RBFOX2: variants seen among roughly 807,000 people sequenced by gnomAD.
The protein encoded by RBFOX2 is RNA binding protein fox-1 homolog 2.
In RBFOX2, 10 loss-of-function variants were observed where a neutral mutation model predicts 49.1. The ratio of observed to expected loss-of-function variants is 0.20; its 90% CI spans 0.13 to 0.35. The LOEUF is 0.35. Among genes scored for constraint, RBFOX2 ranks in the 10% least tolerant of loss-of-function variants. The pLI, the probability that RBFOX2 is intolerant of heterozygous loss-of-function variation, is 1.00. For synonymous variants in RBFOX2, 183 were observed against 187.4 expected, an observed-to-expected ratio of 0.98 and a Z score of 0.19; for missense variants, 323 against 486.9, an observed-to-expected ratio of 0.66 and a Z score of 3.17.
At position 35,761,542 on chromosome 22, in the gene RBFOX2, G is replaced by A. The variant is rs1938874499; in HGVS notation, c.608-74C>T. 7 of 1,525,034 alleles carry A rather than the reference G, an allele frequency of 4.6e-6. No individual in the cohort carries two copies. In the Middle Eastern group the frequency reaches 5.9e-4, roughly 129 times the overall value. The allele number at this position is 1,525,034 out of a possible 1,614,324, so 94.5% of individuals were successfully genotyped here. ...GGGATGATCAGTGCATGTCAAGTTGGCTTCAGCCATCTCTGGGGCTATTTT... is the reference window on the plus strand; with the variant it reads ...GGGATGATCAGTGCATGTCAAGTTGACTTCAGCCATCTCTGGGGCTATTTT... On this transcript the variant is annotated intron_variant, in intron 6 of 11. Transcript: ENST00000405409.
At chr22:35,855,726 A>G (rs541951055) in intron 1 of RBFOX2, among the ~76,000 whole-genome samples, 55 of 152,082 alleles carry the variant, frequency 3.6e-4, no homozygotes, top group African/African-American at 1.2e-3. Context: ...ATTTTTCAAC[A>G]TAAGTTTTAA....
At chr22:36,007,885 CTTTT>C (rs542970377) in intron 1 of RBFOX2, among the ~76,000 whole-genome samples, 2 of 151,414 alleles carry the variant, frequency 1.3e-5, no homozygotes, top group African/African-American at 4.9e-5. Flanking sequence ...ATGAATGTAC[CTTTT>C]TTTTTCTCAT....
intron 1 of RBFOX2, among the ~76,000 whole-genome samples, chr22:35,953,027 C>T (rs1009657860): frequency 2.6e-5 from 4 of 151,504 alleles, no homozygotes; most frequent in African/African-American, 4.9e-5. Flanking sequence ...CTGGCTAACA[C>T]GGTGAAATCC....
At chr22:35,935,871 A>G (rs1262488867) in intron 1 of RBFOX2, among the ~76,000 whole-genome samples, 1 of 152,180 alleles carries the variant, frequency 6.6e-6, no homozygotes, top group East Asian at 1.9e-4. Flanking sequence ...ATCTTTCCAG[A>G]GGGAATATTT....
At chr22:35,930,604 C>A (rs920525732) in intron 1 of RBFOX2, among the ~76,000 whole-genome samples, 4 of 151,606 alleles carry the variant, frequency 2.6e-5, no homozygotes, top group African/African-American at 9.7e-5. Context: ...CTGAAGCAGG[C>A]GGATCACTTG....
At chr22:35,965,917 C>T (rs1453823168), upstream of RBFOX2, among the ~76,000 whole-genome samples, 1 of 152,126 alleles carries the variant, frequency 6.6e-6, no homozygotes, top group African/African-American at 2.4e-5. Context: ...AGGCAAAAAA[C>T]CTAAGTGCAT....
At chr22:36,007,626 A>G (rs1347074719) in intron 1 of RBFOX2, among the ~76,000 whole-genome samples, 1 of 152,228 alleles carries the variant, frequency 6.6e-6, no homozygotes, top group Non-Finnish European at 1.5e-5. Context: ...TTTTTTATAT[A>G]CAATAAAAAT....
At chr22:35,798,266 C>T (rs1409357334) in intron 2 of RBFOX2, among the ~76,000 whole-genome samples, 3 of 152,234 alleles carry the variant, frequency 2.0e-5, no homozygotes, top group Non-Finnish European at 4.4e-5. Context: ...TGAGCCACTG[C>T]ACCAGGCCTG....
intron 1 of RBFOX2, among the ~76,000 whole-genome samples, chr22:35,902,170 T>C (rs912657186): frequency 6.6e-6 from 1 of 152,130 alleles, no homozygotes; most frequent in African/African-American, 2.4e-5. Flanking sequence ...CTTCCCTTAC[T>C]TCTAACTAGC....
intron 1 of RBFOX2, among the ~76,000 whole-genome samples, chr22:36,001,184 TACACACACACACACACAC>T (rs57905429): frequency 1.1e-3 from 146 of 133,684 alleles, no homozygotes; most frequent in Non-Finnish European, 1.4e-3. Context: ...CCCCAAAACA[TACACACACACACACACAC>T]ACACACACAC....
At chr22:35,832,723 T>C (rs1355724641) in intron 1 of RBFOX2, among the ~76,000 whole-genome samples, 2 of 151,982 alleles carry the variant, frequency 1.3e-5, no homozygotes, top group African/African-American at 4.8e-5. Flanking sequence ...TCCTACCTAC[T>C]TGGGAGGCTG....
In RBFOX2 at chr22:35,778,136, G is replaced by A. The variant is rs960944969; in HGVS notation, c.400-58C>T. On this transcript the variant is annotated intron_variant, in intron 3 of 11. Transcript: ENST00000405409. ...GGTCAGGTTTTTATCCACATATTTT[G>A]TTATCTTCTGAAATGGGAATAGTTT... 6 of 1,357,484 alleles carry A rather than the reference G, an allele frequency of 4.4e-6. No individual in the cohort carries two copies. The African/African-American group carries it at 8.8e-5, about 20-fold the overall frequency. 84.1% of individuals were successfully genotyped at this position (1,357,484 alleles called of 1,614,324 possible). A position where few individuals can be genotyped will look rare whatever the true frequency, so the allele number is the denominator to read the frequency against.
At chr22:35,960,823 G>A (rs780310912) in intron 1 of RBFOX2, among the ~76,000 whole-genome samples, 3 of 151,986 alleles carry the variant, frequency 2.0e-5, no homozygotes, top group Non-Finnish European at 2.9e-5. Flanking sequence ...TATTGAAAAC[G>A]TTTTCCTCAT....
In RBFOX2 at chr22:35,773,382, C is replaced by T. The variant is rs145199183; in HGVS notation, c.453+4643G>A. On this transcript the variant is annotated intron_variant, in intron 4 of 11. Transcript: ENST00000405409. ...GATCCCCATTATTCCAGAAATCTAC[C>T]TGAGAGAAGTAATGAGAACACATTA... Among the ~76,000 whole-genome samples, 105 of 152,012 alleles carry T rather than the reference C, an allele frequency of 6.9e-4. No homozygotes were observed. In the East Asian group the frequency reaches 0.014, roughly 20 times the overall value.
At chr22:35,835,304 A>AG (rs199628901) in intron 1 of RBFOX2, among the ~76,000 whole-genome samples, 2,628 of 152,208 alleles carry the variant, frequency 0.017, 68 homozygotes, top group African/African-American at 0.06. Context: ...AGGGTGGGTA[A>AG]GGGGGGGCTG....
chr22:35,939,011 C>A (rs136615), upstream of RBFOX2: 4 of 1,011,798 alleles, frequency 4.0e-6, no homozygotes, highest in African/African-American at 1.6e-5. Context: ...CTAAAATGTT[C>A]CATTAACTGT....
At chr22:35,855,459 T>A (rs2042403375) in intron 1 of RBFOX2, among the ~76,000 whole-genome samples, 1 of 152,012 alleles carries the variant, frequency 6.6e-6, no homozygotes, top group African/African-American at 2.4e-5. Context: ...CAGGTTGGAG[T>A]GCTATGGCAC....
intron 1 of RBFOX2, among the ~76,000 whole-genome samples, chr22:35,945,525 C>T (rs143569196): frequency 6.6e-6 from 1 of 152,226 alleles, no homozygotes; most frequent in Non-Finnish European, 1.5e-5. Context: ...ATTGCAGCCT[C>T]GACCTCGCAG....
At chr22:35,744,241 T>C (rs1176047924) in exon 12 of RBFOX2, 7 of 1,611,666 alleles carry the variant, frequency 4.3e-6, no homozygotes, top group Non-Finnish European at 5.9e-6. Flanking sequence ...CACCTCGGTA[T>C]AAACTCGCCT....
Sources: gnomAD v4.1 joint callset for allele counts (sites outside exome capture counted in the v4.1 genomes callset) on GRCh38, gnomAD v4.1.1 for gene constraint, MANE v1.5 for transcripts, NCBI Gene and HGNC (gene_info 2026-07-23, HGNC 2026-07-21) for gene names.